ARHGAP39: variants seen among roughly 807,000 people sequenced by gnomAD.
ARHGAP39 encodes the protein Rho GTPase activating protein 39, also known as rho GTPase-activating protein 39.
A neutral mutation model predicts 106.9 loss-of-function variants in ARHGAP39; 44 were observed. The ratio of observed to expected loss-of-function variants is 0.41; its 90% CI spans 0.32 to 0.53. The LOEUF (loss-of-function observed/expected upper bound fraction) is 0.53, where lower values mean the gene tolerates loss of function less well. Ranked by LOEUF, ARHGAP39 falls within the 20% of genes least tolerant of loss-of-function variation. The pLI is 0.21. For missense variants in ARHGAP39, 1,496 were observed against 1,577.3 expected (o/e 0.95, Z 0.87); for synonymous variants, 768 against 693.2 (o/e 1.11, Z -1.69).
intron 1 of ARHGAP39, among the ~76,000 whole-genome samples, chr8:144,677,917 A>G (rs920025140): frequency 6.6e-6 from 1 of 152,222 alleles, no homozygotes; most frequent in Non-Finnish European, 1.5e-5. Flanking sequence ...GTGAGAATCA[A>G]GACATTTACA....
Position 144,600,247 on chromosome 8 carries a change from C to A in ARHGAP39, c.80+5288G>T, listed in dbSNP as rs185523024. 2.0e-4 allele frequency among the ~76,000 whole-genome samples: 27 copies of A among 136,808 alleles called. No individual in the cohort carries two copies. In the East Asian group the frequency reaches 5.9e-3, roughly 30 times the overall value. 89.8% of individuals were successfully genotyped at this position (136,808 alleles called of 152,430 possible). A position where few individuals can be genotyped will look rare whatever the true frequency, so the allele number is the denominator to read the frequency against. On this transcript the variant is annotated intron_variant, in intron 2 of 11. Transcript: ENST00000377307. ...GTGTGCAAGCTCGTGTACCTACCTGCGTGTGCGTGTGCGTGGGGGTGTCTG... is the reference window on the plus strand; with the variant it reads ...GTGTGCAAGCTCGTGTACCTACCTGAGTGTGCGTGTGCGTGGGGGTGTCTG...
chr8:144,545,676 G>A lies in ARHGAP39; in HGVS notation c.2094C>T (p.Ala698=). The stretch of plus-strand genomic sequence containing the variant: ...GCGTGTGCTTGTTGAAGTGCTTGGA[G>A]GCCCAGTTCTCGATGTCCGTCTCCG... ...PSSETDIENW[A]SKHFNKHTQG... Residue 698 remains alanine, a synonymous_variant, in exon 6 of 12, where the codon GCC becomes GCT. Coordinates refer to ENST00000377307, the MANE Select transcript of ARHGAP39 (RefSeq NM_025251.3). 1.2e-6 allele frequency: 2 copies of A among 1,613,488 alleles called. No individual in the cohort carries two copies. The highest frequency in any genetic ancestry group is 2.2e-5 in the East Asian group (1 of 44,890).
At chr8:144,534,285 C>T (rs943302639) in intron 7 of ARHGAP39, 83 bp from the exon 8 acceptor site, 11 of 1,511,844 alleles carry the variant, frequency 7.3e-6, no homozygotes, top group Middle Eastern at 1.7e-4. Flanking sequence ...ACAGCTCCTT[C>T]GAGGGCCCTG....
chr8:144,613,735 C>T (rs1438902400), intron 1 of ARHGAP39, among the ~76,000 whole-genome samples: 2 of 151,888 alleles, frequency 1.3e-5, no homozygotes, highest in Non-Finnish European at 2.9e-5. Flanking sequence ...TTAAGATGGT[C>T]AGATCATGTG....
intron 8 of ARHGAP39, 123 bp from the exon 9 acceptor site, chr8:144,533,448 C>T (rs1014520072): frequency 1.1e-4 from 106 of 990,566 alleles, no homozygotes; most frequent in Non-Finnish European, 9.0e-5. Context: ...GCCCCACACA[C>T]CTGGGTCCGA....
intron 2 of ARHGAP39, among the ~76,000 whole-genome samples, chr8:144,601,843 G>T (rs550027767): frequency 2.6e-4 from 38 of 145,348 alleles, no homozygotes; most frequent in African/African-American, 9.6e-4. Flanking sequence ...GTACCTGTGT[G>T]CATGTGCGTA....
At chr8:144,642,955 G>A (rs541529487) in intron 1 of ARHGAP39, among the ~76,000 whole-genome samples, 5 of 152,082 alleles carry the variant, frequency 3.3e-5, no homozygotes, top group South Asian at 2.1e-4. Context: ...TGAGGCTGCC[G>A]TGAGCCGACA....
rs1362439867 is a variant in ARHGAP39 at position 144,548,105 on chromosome 8, C to T, written c.981G>A (p.Glu327=). 5 of 1,586,954 alleles carry T rather than the reference C, an allele frequency of 3.2e-6. No individual in the cohort carries two copies. Among genetic ancestry groups the T allele is most frequent in the Non-Finnish European group, 4.3e-6 (5 of 1,166,864 alleles). The change falls in exon 5 of 12, where the codon GAG becomes GAA. Residue 327 remains glutamate (E), a synonymous_variant. Coordinates refer to ENST00000377307, the MANE Select transcript of ARHGAP39 (RefSeq NM_025251.3). This position sits in a 1 kb window ranked among gnomAD's most constrained non-coding sequence, Gnocchi z 7.4. Reference sequence around the variant, plus strand: ...CCTCGAATTGCACGTCCATGGGGGGCTCATCGTAGATGGGGGCCTGGTACT... The same window carrying T: ...CCTCGAATTGCACGTCCATGGGGGGTTCATCGTAGATGGGGGCCTGGTACT... The part of the protein sequence containing the change: ...PVEYQAPIYD[E]PPMDVQFEAG...
At chr8:144,629,010 C>A (rs909347905) in intron 1 of ARHGAP39, among the ~76,000 whole-genome samples, 3 of 152,222 alleles carry the variant, frequency 2.0e-5, no homozygotes, top group African/African-American at 7.2e-5. Flanking sequence ...GCACCTGCCA[C>A]GCGCTTCCCA....
At chr8:144,626,757 C>A (rs1051404286) in intron 1 of ARHGAP39, among the ~76,000 whole-genome samples, 1 of 152,242 alleles carries the variant, frequency 6.6e-6, no homozygotes, top group African/African-American at 2.4e-5. Flanking sequence ...ACCGGGGACA[C>A]GCCCGCGGCT....
At chr8:144,582,276 G>A (rs575870448) in intron 2 of ARHGAP39, among the ~76,000 whole-genome samples, 11 of 152,268 alleles carry the variant, frequency 7.2e-5, no homozygotes, top group African/African-American at 2.4e-4. Flanking sequence ...CTGCGGGGGC[G>A]ACCTTCATCC....
At chr8:144,537,607 G>C (rs1817010855) in intron 7 of ARHGAP39, 114 bp downstream of exon 7, 1 of 922,194 alleles carries the variant, frequency 1.1e-6, no homozygotes, top group Non-Finnish European at 1.7e-6. Flanking sequence ...CCTGAGGTTA[G>C]TGGCCCCATC....
chr8:144,693,261 C>T, the ARHGAP39 span, among the ~76,000 whole-genome samples: 10 of 151,188 alleles, frequency 6.6e-5, no homozygotes, highest in East Asian at 1.9e-4. Context: ...GGTGAGGTTT[C>T]GCCATGTTGG....
intron 2 of ARHGAP39, among the ~76,000 whole-genome samples, chr8:144,596,606 A>G (rs1221132366): frequency 6.6e-6 from 1 of 152,202 alleles, no homozygotes; most frequent in African/African-American, 2.4e-5. Flanking sequence ...GGGCAGAGGA[A>G]GCCCTGCAAC....
chr8:144,662,471 C>T (rs369756093), intron 1 of ARHGAP39, among the ~76,000 whole-genome samples: 129 of 148,528 alleles, frequency 8.7e-4, no homozygotes, highest in African/African-American at 2.8e-3. Context: ...CCTTGGGTCA[C>T]TCCTCCCCTC....
chr8:144,606,859 T>C (rs1820310686), intron 1 of ARHGAP39, among the ~76,000 whole-genome samples: 1 of 152,188 alleles, frequency 6.6e-6, no homozygotes, highest in Non-Finnish European at 1.5e-5. Flanking sequence ...GAAAGAAATG[T>C]AGGAGAAAAT....
At chr8:144,533,950 T>C (rs1816844711) in intron 8 of ARHGAP39, among the ~76,000 whole-genome samples, 179 bp downstream of exon 8, 4 of 151,570 alleles carry the variant, frequency 2.6e-5, no homozygotes, top group Admixed American at 2.6e-4. Context: ...CGGGGGAGGG[T>C]GCAGCCCAGA....
rs1364853351 is a variant in ARHGAP39 at position 144,671,642 on chromosome 8, C to T, written c.-82+14044G>A. On this transcript the variant is annotated intron_variant, in intron 1 of 11. Coordinates refer to ENST00000377307, the MANE Select transcript of ARHGAP39 (RefSeq NM_025251.3). The surrounding 1 kb of genome is among the most constrained non-coding windows in gnomAD (Gnocchi z 4.5). The stretch of plus-strand genomic sequence containing the variant: ...ATAGCCCAAGGCTCAGCTGCTGATA[C>T]TCCTCCTTTCCAGACAAGACACCCC... 6.6e-6 allele frequency among the ~76,000 whole-genome samples: 1 copy of T among 152,228 alleles called. No individual in the cohort carries two copies. Among genetic ancestry groups the T allele is most frequent in the South Asian group, 2.1e-4 (1 of 4,836 alleles).
At chr8:144,622,196 G>A (rs574507497) in intron 1 of ARHGAP39, among the ~76,000 whole-genome samples, 1 of 152,294 alleles carries the variant, frequency 6.6e-6, no homozygotes, top group African/African-American at 2.4e-5. Context: ...GGCCCAAGGT[G>A]AGGGGTCCCG....
Sources: gnomAD v4.1 joint callset for allele counts (sites outside exome capture counted in the v4.1 genomes callset) on GRCh38, gnomAD v4.1.1 for gene constraint, Gnocchi (gnomAD v3.1) non-coding constraint, MANE v1.5 for transcripts, NCBI Gene and HGNC (gene_info 2026-07-23, HGNC 2026-07-21) for gene names.